CLGN: variants seen among roughly 807,000 people sequenced by gnomAD.
The protein encoded by CLGN is testis tissue sperm-binding protein Li 79P.
A neutral mutation model predicts 79.1 loss-of-function variants in CLGN; 62 were observed. The ratio of observed to expected loss-of-function variants is 0.78; its 90% CI spans 0.64 to 0.97. The LOEUF (loss-of-function observed/expected upper bound fraction) is 0.97. Among genes scored for constraint, CLGN ranks in the 50% least tolerant of loss-of-function variants. The pLI is 0.00. For missense variants in CLGN, 647 were observed against 715.5 expected, an observed-to-expected ratio of 0.90 and a Z score of 1.09; for synonymous variants, 225 against 224.7, an observed-to-expected ratio of 1.00 and a Z score of -0.01.
In CLGN at chr4:140,393,867, C is replaced by G. The variant is rs189753269; in HGVS notation, c.1324G>C (p.Asp442His). Residue 442 changes from aspartate to histidine, a missense_variant, in exon 11 of 15, where the codon GAT (aspartate) becomes CAT (histidine). Physicochemically the swap from Asp to His is moderately conservative, Grantham distance 81 (BLOSUM62 -1). Coordinates refer to ENST00000325617, the MANE Select transcript of CLGN (RefSeq NM_004362.3). ...ATCATTATTTTCCATCTCCAACCAT[C>G]TGCAGCCCAGTGATCTGCTACTTCC... ...EKEVADHWAA[D>H]GWRWKIMIAN... 1.9e-5 allele frequency: 30 copies of G among 1,613,730 alleles called. No individual in the cohort carries two copies. The highest frequency in any genetic ancestry group is 2.5e-5 in the Non-Finnish European group (29 of 1,179,772).
In CLGN at chr4:140,410,643, C is replaced by T; in HGVS notation, c.145-17G>A. 7.0e-7 allele frequency: 1 copy of T among 1,437,744 alleles called. No homozygotes were observed. The highest frequency in any genetic ancestry group is 9.7e-7 in the Non-Finnish European group (1 of 1,027,120). 89.1% of individuals were successfully genotyped at this position (1,437,744 alleles called of 1,614,324 possible). A position where few individuals can be genotyped will look rare whatever the true frequency, so the allele number is the denominator to read the frequency against. On this transcript the variant is annotated splice_polypyrimidine_tract_variant and intron_variant, in intron 2 of 14. Transcript: ENST00000325617. ...ATATTTAATCTAGAAAAGAGATTTTCCAAGTCTAAAGTTATTCATTTTCAC... is the reference window on the plus strand; with the variant it reads ...ATATTTAATCTAGAAAAGAGATTTTTCAAGTCTAAAGTTATTCATTTTCAC...
chr4:140,409,018 G>A (rs1332931968), intron 4 of CLGN, among the ~76,000 whole-genome samples: 1 of 151,808 alleles, frequency 6.6e-6, no homozygotes, highest in Non-Finnish European at 1.5e-5. Context: ...AGACATGCAG[G>A]TATGATCTTT....
At chr4:140,426,807 A>C (rs1345232754) in intron 1 of CLGN, 1 of 152,250 alleles carries the variant, frequency 6.6e-6, no homozygotes, top group Admixed American at 6.5e-5. Context: ...AAATCAGCGA[A>C]AGTGTCTGAT....
In CLGN at chr4:140,392,348, T is replaced by C; in HGVS notation, c.1522A>G (p.Thr508Ala). ...TTTGTTTGTGGTATACATATGTCGG[T>C]TTTTTTATACTCTGTATCTTTATGT... is the stretch of plus-strand genomic sequence containing the variant. ...KKHKDTEYKK[T>A]DICIPQTKGV... Residue 508 changes from threonine (T) to alanine (A), a missense_variant, in exon 13 of 15, where the codon ACC (threonine) becomes GCC (alanine). By Grantham distance (58) the Thr-to-Ala change is moderately conservative. Transcript: ENST00000325617. 1 of 1,607,402 alleles carries C rather than the reference T, an allele frequency of 6.2e-7. No homozygotes were observed. Among genetic ancestry groups the C allele is most frequent in the South Asian group, 1.1e-5 (1 of 89,308 alleles).
chr4:140,416,495 C>A (rs180790854), intron 1 of CLGN, among the ~76,000 whole-genome samples: 4 of 152,032 alleles, frequency 2.6e-5, no homozygotes, highest in Non-Finnish European at 4.4e-5. Flanking sequence ...ATCTAATAGA[C>A]GCAGCAAAAA....
At position 140,413,169 on chromosome 4, in the gene CLGN, T is replaced by C. The variant is rs556072425; in HGVS notation, c.-9-82A>G. On this transcript the variant is annotated intron_variant, in intron 1 of 14. Coordinates refer to ENST00000325617, the MANE Select transcript of CLGN (RefSeq NM_004362.3). Reference sequence around the variant, plus strand: ...AGTATATGTAGAAATAAATAATTTCTCCATAATAGCTCCTTTATTCTAGGA... The same window carrying C: ...AGTATATGTAGAAATAAATAATTTCCCCATAATAGCTCCTTTATTCTAGGA... 3.9e-6 allele frequency: 4 copies of C among 1,023,766 alleles called. No individual in the cohort carries two copies. The South Asian group carries it at 4.5e-5, about 11-fold the overall frequency. 63.4% of individuals were successfully genotyped at this position (1,023,766 alleles called of 1,614,324 possible). A position where few individuals can be genotyped will look rare whatever the true frequency, so the allele number is the denominator to read the frequency against.
At chr4:140,392,440 G>T (rs1728793008) in intron 12 of CLGN, 62 bp from the exon 13 acceptor site, 2 of 1,514,028 alleles carry the variant, frequency 1.3e-6, no homozygotes, top group African/African-American at 1.4e-5. Flanking sequence ...AAGTTTTTTT[G>T]CAATAATTGA....
chr4:140,389,573 G>T (rs1311671602), intron 14 of CLGN, among the ~76,000 whole-genome samples: 1 of 151,752 alleles, frequency 6.6e-6, no homozygotes, highest in African/African-American at 2.4e-5. Flanking sequence ...ATTTTGTAAA[G>T]TAAATGTAAA....
At chr4:140,419,164 G>C (rs930110876) in intron 1 of CLGN, among the ~76,000 whole-genome samples, 2 of 152,018 alleles carry the variant, frequency 1.3e-5, no homozygotes, top group African/African-American at 4.8e-5. Flanking sequence ...GAGATCACAT[G>C]GACACAGGAA....
At chr4:140,427,061 A>G (rs1466656799) in intron 1 of CLGN, among the ~76,000 whole-genome samples, 1 of 152,180 alleles carries the variant, frequency 6.6e-6, no homozygotes, top group Non-Finnish European at 1.5e-5. Context: ...CAGTCAGCAG[A>G]GTGAGCAGCG....
At chr4:140,414,204 C>A (rs1729275807) in intron 1 of CLGN, among the ~76,000 whole-genome samples, 1 of 152,212 alleles carries the variant, frequency 6.6e-6, no homozygotes, top group African/African-American at 2.4e-5. Context: ...ATCTGTACAT[C>A]ACCATCATCA....
chr4:140,419,782 A>C (rs1301133287), intron 1 of CLGN, among the ~76,000 whole-genome samples: 1 of 152,168 alleles, frequency 6.6e-6, no homozygotes. Flanking sequence ...GATCTCTCTA[A>C]ATCACAAAAG....
At chr4:140,410,993 A>T (rs1729199911) in intron 2 of CLGN, among the ~76,000 whole-genome samples, 1 of 152,076 alleles carries the variant, frequency 6.6e-6, no homozygotes, top group Non-Finnish European at 1.5e-5. Context: ...AGGCTTTTAA[A>T]ATTAACTCTT....
At chr4:140,409,800 A>T in intron 4 of CLGN, 37 bp downstream of exon 4, 1 of 1,385,390 alleles carries the variant, frequency 7.2e-7, no homozygotes, top group Non-Finnish European at 1.0e-6. Flanking sequence ...ACTCCAGGCC[A>T]TACTGGTTAT....
At chr4:140,391,372 A>C (rs1489095520) in intron 13 of CLGN, among the ~76,000 whole-genome samples, 1 of 151,808 alleles carries the variant, frequency 6.6e-6, no homozygotes, top group Non-Finnish European at 1.5e-5. Context: ...CCCTCTAAAT[A>C]AGGCTGATCC....
intron 10 of CLGN, among the ~76,000 whole-genome samples, chr4:140,395,166 TG>T (rs200841104): frequency 8.7e-5 from 13 of 150,196 alleles, no homozygotes; most frequent in Non-Finnish European, 7.4e-5. Flanking sequence ...TTTGTTTTTT[TG>T]TTTTGAGTCT....
chr4:140,425,961 C>G (rs1013567186), intron 1 of CLGN, among the ~76,000 whole-genome samples: 2 of 152,020 alleles, frequency 1.3e-5, no homozygotes, highest in Non-Finnish European at 2.9e-5. Flanking sequence ...ATTTAACACA[C>G]TTTTTGTACA....
chr4:140,419,720 T>C (rs1451758596), intron 1 of CLGN, among the ~76,000 whole-genome samples: 1 of 152,176 alleles, frequency 6.6e-6, no homozygotes, highest in Admixed American at 6.5e-5. Context: ...TAATTACTTA[T>C]ATATTTATGG....
intron 2 of CLGN, among the ~76,000 whole-genome samples, chr4:140,412,226 G>A (rs1414973575): frequency 1.3e-5 from 2 of 152,124 alleles, no homozygotes. Flanking sequence ...AGGAAATGAA[G>A]TAAAGAAATC....
Sources: gnomAD v4.1 joint callset for allele counts (sites outside exome capture counted in the v4.1 genomes callset) on GRCh38, gnomAD v4.1.1 for gene constraint, MANE v1.5 for transcripts, NCBI Gene and HGNC (gene_info 2026-07-23, HGNC 2026-07-21) for gene names.